FGA: variants seen among roughly 807,000 people sequenced by gnomAD.
The protein encoded by FGA is fibrinogen alpha chain.
A neutral mutation model predicts 20.3 loss-of-function variants in FGA; 20 were observed. The observed-to-expected ratio is 0.99, with a 90% CI of 0.69 to 1.43. The LOEUF is 1.43. Among genes scored for constraint, FGA ranks in the 40% most tolerant of loss-of-function variants. The pLI, the probability that FGA is intolerant of heterozygous loss-of-function variation, is 0.00. For synonymous variants in FGA, 306 were observed against 281.6 expected, an observed-to-expected ratio of 1.09 and a Z score of -0.87; for missense variants, 777 against 784.7, an observed-to-expected ratio of 0.99 and a Z score of 0.12.
rs772268393 is a variant in FGA, at chr4:154,585,774, C to A, written c.1655G>T (p.Gly552Val). The change falls in exon 5 of 5, where the codon GGC becomes GTC. Residue 552 changes from glycine (G) to valine (V), a missense_variant. Transcript: ENST00000403106. ...SETESRGSESGIFTNTKESSS... is the reference protein window; with the variant it reads ...SETESRGSESVIFTNTKESSS... ...GGATTCCTTTGTATTTGTGAAGATG[C>A]CAGATTCTGAGCCCCTAGACTCAGT... 6.2e-7 allele frequency: 1 copy of A among 1,614,126 alleles called. No individual in the cohort carries two copies. Among genetic ancestry groups the A allele is most frequent in the South Asian group, 1.1e-5 (1 of 91,080 alleles).
Position 154,586,079 on chromosome 4 carries a change from G to A in FGA, c.1350C>T (p.Thr450=), listed in dbSNP as rs369849217. The change falls in exon 5 of 5, where the codon ACC becomes ACT. Residue 450 remains threonine (T), a synonymous_variant. Transcript: ENST00000403106. ...KELRTGKEKV[T]SGSTTTTRRS... is the part of the protein sequence containing the mutation. ...GACGCGTGGTGGTTGTGCTACCAGA[G>A]GTGACCTTCTCTTTACCAGTCCTGA... 2 of 1,613,998 alleles carry A rather than the reference G, an allele frequency of 1.2e-6. No individual in the cohort carries two copies. Among genetic ancestry groups the A allele is most frequent in the Admixed American group, 1.7e-5 (1 of 59,998 alleles).
chr4:154,585,860 G>A lies in FGA; in HGVS notation c.1569C>T (p.Ala523=). The A allele has an allele frequency of 6.2e-7, 1 of 1,614,160 alleles. No individual in the cohort carries two copies. The highest frequency in any genetic ancestry group is 8.5e-7 in the Non-Finnish European group (1 of 1,180,014). The change falls in exon 5 of 5, where the codon GCC becomes GCT. Residue 523 remains alanine (A), a synonymous_variant. Coordinates refer to ENST00000403106, the MANE Select transcript of FGA (RefSeq NM_021871.4). ...AACCTGGGAATGTTTTTCCAGTTGA[G>A]GCAGTGTCGAAGAAGGCAGCTTCAT... The part of the protein sequence containing the change: ...HPDEAAFFDT[A]STGKTFPGFF...
At position 154,585,737 on chromosome 4, in the gene FGA, G is replaced by T. The variant is rs1730691476; in HGVS notation, c.1692C>A (p.His564Gln). The part of the protein sequence containing the change: ...FTNTKESSSH[H>Q]PGIAEFPSRG... ...GGGAAGGGAATTCAGCTATCCCAGG[G>T]TGATGAGAACTGGATTCCTTTGTAT... Residue 564 changes from histidine to glutamine, a missense_variant, in exon 5 of 5, where the codon CAC (histidine) becomes CAA (glutamine). Physicochemically the swap from His to Gln is conservative, Grantham distance 24. Coordinates refer to ENST00000403106, the MANE Select transcript of FGA (RefSeq NM_021871.4). 1 of 1,614,174 alleles carries T rather than the reference G, an allele frequency of 6.2e-7. No individual in the cohort carries two copies. The highest frequency in any genetic ancestry group is 2.2e-5 in the East Asian group (1 of 44,876).
chr4:154,590,538 G>T, intron 1 of FGA, 96 bp downstream of exon 1: 1 of 1,044,818 alleles, frequency 9.6e-7, no homozygotes, highest in East Asian at 2.6e-5. Context: ...AGCTAAGAGT[G>T]TGTCAGGACA....
At position 154,586,136 on chromosome 4, in the gene FGA, T is replaced by A. The variant is rs1407244795; in HGVS notation, c.1293A>T (p.Glu431Asp). 1 of 1,614,166 alleles carries A rather than the reference T, an allele frequency of 6.2e-7. No homozygotes were observed. The highest frequency in any genetic ancestry group is 8.5e-7 in the Non-Finnish European group (1 of 1,180,010). The change falls in exon 5 of 5, where the codon GAA becomes GAT. Residue 431 changes from glutamate (E) to aspartate (D), a missense_variant. Transcript: ENST00000403106. ...SPGTRREYHTEKLVTSKGDKE... is the reference protein window; with the variant it reads ...SPGTRREYHTDKLVTSKGDKE... ...TATCTCCTTTAGAAGTGACCAGTTT[T>A]TCTGTGTGGTACTCTCTCCTTGTCC...
In FGA at chr4:154,585,731, C is replaced by T. The variant is rs539925204; in HGVS notation, c.1698G>A (p.Gly566=). The T allele has an allele frequency of 3.1e-6, 5 of 1,614,184 alleles. No individual in the cohort carries two copies. The highest frequency in any genetic ancestry group is 4.5e-5 in the East Asian group (2 of 44,880). ...NTKESSSHHP[G]IAEFPSRGKS... is the part of the protein sequence containing the mutation. ...TACCACGGGAAGGGAATTCAGCTAT[C>T]CCAGGGTGATGAGAACTGGATTCCT... Residue 566 remains glycine, a synonymous_variant, in exon 5 of 5, where the codon GGG becomes GGA. Transcript: ENST00000403106.
At chr4:154,583,882 T>C (rs1730642702), downstream of FGA, 2 of 512,468 alleles carry the variant, frequency 3.9e-6, no homozygotes, top group Non-Finnish European at 7.0e-6. Context: ...GAATGGCCCT[T>C]GGTATATCTT....
At chr4:154,584,414 C>A (rs367614797), downstream of FGA, 4 of 1,614,174 alleles carry the variant, frequency 2.5e-6, no homozygotes, top group East Asian at 4.5e-5. Context: ...CCTTCCTCTA[C>A]GGAACCCTCA....
chr4:154,585,897 T>C lies in FGA; in HGVS notation c.1532A>G (p.His511Arg), dbSNP rs1207848309. The stretch of plus-strand genomic sequence containing the variant: ...GAAGGCAGCTTCATCAGGGTGCCTA[T>C]GGCGGAACCCATCCAGAGTACCTAT... ...SGIGTLDGFR[H>R]RHPDEAAFFD... is the part of the protein sequence containing the mutation. The change falls in exon 5 of 5, where the codon CAT (histidine) becomes CGT (arginine). Residue 511 changes from histidine to arginine, a missense_variant. Transcript: ENST00000403106. 27 of 1,613,956 alleles carry C rather than the reference T, an allele frequency of 1.7e-5. No homozygotes were observed. Among genetic ancestry groups the C allele is most frequent in the Non-Finnish European group, 2.3e-5 (27 of 1,179,930 alleles).
Position 154,590,660 on chromosome 4 carries a change from C to T in FGA, c.28G>A (p.Val10Ile), listed in dbSNP as rs1235187701. 3 of 1,558,580 alleles carry T rather than the reference C, an allele frequency of 1.9e-6. No homozygotes were observed. Among genetic ancestry groups the T allele is most frequent in the African/African-American group, 1.4e-5 (1 of 73,580 alleles). The change falls in exon 1 of 5, where the codon GTC (valine) becomes ATC (isoleucine). Residue 10 changes from valine (V) to isoleucine (I), a missense_variant. Coordinates refer to ENST00000403106, the MANE Select transcript of FGA (RefSeq NM_021871.4). ...CATGCTGTGCCCACCACACTTAGGA[C>T]CAGGCAGACGATCCTCATGGAAAAC... MFSMRIVCL[V>I]LSVVGTAWTA...
In FGA at chr4:154,586,470, G is replaced by T; in HGVS notation, c.959C>A (p.Thr320Asn). Residue 320 changes from threonine (T) to asparagine (N), a missense_variant, in exon 5 of 5, where the codon ACC (threonine) becomes AAC (asparagine). Thr to Asn is a moderately conservative substitution (Grantham distance 65). Transcript: ENST00000403106. ...PGSSGTGGTA[T>N]WKPGSSGPGS... is the part of the protein sequence containing the mutation. ...AGGTCCAGAGCTCCCAGGTTTCCAG[G>T]TTGCAGTCCCTCCAGTCCCAGAGCT... is the stretch of plus-strand genomic sequence containing the variant. 6.2e-7 allele frequency: 1 copy of T among 1,608,884 alleles called. No homozygotes were observed. The highest frequency in any genetic ancestry group is 8.5e-7 in the Non-Finnish European group (1 of 1,176,788).
intron 2 of FGA, among the ~76,000 whole-genome samples, chr4:154,589,232 C>T (rs934201858): frequency 6.6e-6 from 1 of 152,154 alleles, no homozygotes; most frequent in African/African-American, 2.4e-5. Context: ...AACTGAAATC[C>T]TGTCTGTTCA....
At chr4:154,590,267 C>A (rs1340675632) in intron 1 of FGA, among the ~76,000 whole-genome samples, 1 of 152,204 alleles carries the variant, frequency 6.6e-6, no homozygotes, top group Non-Finnish European at 1.5e-5. Context: ...GAAAACAAAT[C>A]TTACCATAAA....
At chr4:154,584,724 G>A (rs1730667040), downstream of FGA, 2 of 1,613,806 alleles carry the variant, frequency 1.2e-6, no homozygotes, top group Non-Finnish European at 1.7e-6. Context: ...CTCCCAAACT[G>A]GTCTCTTGAT....
At chr4:154,585,259 TAG>T (rs1730677441), downstream of FGA, 2 of 1,353,760 alleles carry the variant, frequency 1.5e-6, no homozygotes, top group Non-Finnish European at 1.9e-6. Flanking sequence ...TAAGCTCAAA[TAG>T]AGTTTCAGAG....
At position 154,588,990 on chromosome 4, in the gene FGA, G is replaced by A. The variant is rs190703077; in HGVS notation, c.181-14C>T. ...GCATTTGTAGTTCTGAAAGTGAAGGGAGAAAATTACAGTAAGGATCTATCT... is the reference window on the plus strand; with the variant it reads ...GCATTTGTAGTTCTGAAAGTGAAGGAAGAAAATTACAGTAAGGATCTATCT... On this transcript the variant is annotated splice_polypyrimidine_tract_variant and intron_variant, in intron 2 of 4. Coordinates refer to ENST00000403106, the MANE Select transcript of FGA (RefSeq NM_021871.4). 687 of 1,605,438 alleles carry A rather than the reference G, an allele frequency of 4.3e-4. 1 individual carries two copies. In the African/African-American group the frequency reaches 7.9e-3, roughly 18 times the overall value.
In FGA at chr4:154,585,569, C is replaced by T; in HGVS notation, c.1860G>A (p.Lys620=). The change falls in exon 5 of 5, where the codon AAG becomes AAA. Residue 620 remains lysine, a synonymous_variant. Coordinates refer to ENST00000403106, the MANE Select transcript of FGA (RefSeq NM_021871.4). Reference sequence around the variant, plus strand: ...CAGGGCGAGATTTAGCATGGCCTCTCTTGGTGCTATGTGTTCCTTCATGAT... The same window carrying T: ...CAGGGCGAGATTTAGCATGGCCTCTTTTGGTGCTATGTGTTCCTTCATGAT... The part of the protein sequence containing the change: ...EADHEGTHST[K]RGHAKSRPVR... 1 of 1,614,182 alleles carries T rather than the reference C, an allele frequency of 6.2e-7. No individual in the cohort carries two copies. The highest frequency in any genetic ancestry group is 1.1e-5 in the South Asian group (1 of 91,082).
rs751918931 is a variant in FGA, at chr4:154,586,274, T to C, written c.1155A>G (p.Gln385=). ...TAAAACTTCCAGATTCAGAGTGCCA[T>C]TGTCCAGTACTACCAGATACAGAGC... The part of the protein sequence containing the change: ...SESSVSGSTG[Q]WHSESGSFRP... The change falls in exon 5 of 5, where the codon CAA becomes CAG. Residue 385 remains glutamine (Q), a synonymous_variant. Transcript: ENST00000403106. The C allele has an allele frequency of 6.2e-7, 1 of 1,614,162 alleles. No homozygotes were observed. The highest frequency in any genetic ancestry group is 8.5e-7 in the Non-Finnish European group (1 of 1,180,004).
chr4:154,584,208 A>T (rs772268514), downstream of FGA: 1 of 1,609,958 alleles, frequency 6.2e-7, no homozygotes. Context: ...AGACCACTCC[A>T]TTCTCAATCT....
Sources: gnomAD v4.1 joint callset for allele counts (sites outside exome capture counted in the v4.1 genomes callset) on GRCh38, gnomAD v4.1.1 for gene constraint, MANE v1.5 for transcripts, NCBI Gene and HGNC (gene_info 2026-07-23, HGNC 2026-07-21) for gene names.